BMP5: variants seen among roughly 807,000 people sequenced by gnomAD.
BMP5 encodes the protein bone morphogenetic protein 5.
Under a neutral mutation model 46.6 loss-of-function variants are expected in BMP5, and 23 were observed. That is an observed-to-expected ratio of 0.49 (90% CI 0.35 to 0.70). BMP5 has a LOEUF of 0.70. BMP5 is among the 30% of genes least tolerant of loss of function. The pLI, the probability that BMP5 is intolerant of heterozygous loss-of-function variation, is 0.00. For missense variants in BMP5, 545 were observed against 565.6 expected (o/e 0.96, Z 0.37); for synonymous variants, 204 against 191.9 (o/e 1.06, Z -0.52).
chr6:55,861,300 T>C (rs1582128384), intron 1 of BMP5, among the ~76,000 whole-genome samples: 1 of 152,238 alleles, frequency 6.6e-6, no homozygotes. Flanking sequence ...ATGGCAGCCC[T>C]GCTTATATGG....
intron 4 of BMP5, 106 bp downstream of exon 4, chr6:55,773,943 A>G: frequency 1.7e-6 from 2 of 1,212,094 alleles, no homozygotes; most frequent in South Asian, 1.2e-5. Context: ...GATTTAATGT[A>G]CCATCCGAAG....
chr6:55,844,277 T>C (rs1440856186), intron 1 of BMP5, among the ~76,000 whole-genome samples: 1 of 152,060 alleles, frequency 6.6e-6, no homozygotes, highest in Non-Finnish European at 1.5e-5. Context: ...GCTGCTGTCA[T>C]CATGCCTCAT....
At chr6:55,822,040 G>A (rs1371782886) in intron 1 of BMP5, among the ~76,000 whole-genome samples, 1 of 151,956 alleles carries the variant, frequency 6.6e-6, no homozygotes, top group East Asian at 1.9e-4. Context: ...AACATATTCT[G>A]CCTCATAACA....
intron 4 of BMP5, among the ~76,000 whole-genome samples, chr6:55,767,875 G>A (rs76511601): frequency 3.4e-4 from 52 of 151,892 alleles, no homozygotes; most frequent in African/African-American, 8.2e-4. Flanking sequence ...ATTAGCTCAC[G>A]TTATTTGACA....
chr6:55,775,423 A>G (rs2127521792), intron 3 of BMP5, among the ~76,000 whole-genome samples: 1 of 152,060 alleles, frequency 6.6e-6, no homozygotes, highest in South Asian at 2.1e-4. Flanking sequence ...TGTGAAAAAG[A>G]AAACCATTGA....
intron 4 of BMP5, among the ~76,000 whole-genome samples, chr6:55,766,790 T>C (rs1774926100): frequency 6.6e-6 from 1 of 151,994 alleles, no homozygotes; most frequent in Admixed American, 6.6e-5. Context: ...CACATAAAAA[T>C]ACATGCATAC....
intron 1 of BMP5, among the ~76,000 whole-genome samples, chr6:55,849,390 G>C (rs1777170484): frequency 6.6e-6 from 1 of 151,998 alleles, no homozygotes; most frequent in Non-Finnish European, 1.5e-5. Context: ...AGTGAATAGA[G>C]AGTAATATGA....
chr6:55,863,852 A>G (rs1777577742), intron 1 of BMP5, among the ~76,000 whole-genome samples: 1 of 152,190 alleles, frequency 6.6e-6, no homozygotes, highest in African/African-American at 2.4e-5. Flanking sequence ...AACATGCTAT[A>G]GAGGTGTGTA....
At chr6:55,789,743 A>G (rs1775531940) in intron 3 of BMP5, among the ~76,000 whole-genome samples, 1 of 152,092 alleles carries the variant, frequency 6.6e-6, no homozygotes, top group South Asian at 2.1e-4. Flanking sequence ...GTAAAATTGG[A>G]TATAACATCT....
chr6:55,810,169 T>A (rs1776095059), intron 2 of BMP5, among the ~76,000 whole-genome samples: 1 of 152,188 alleles, frequency 6.6e-6, no homozygotes, highest in Admixed American at 6.6e-5. Context: ...ATCAATGTTT[T>A]CAAATGGTAA....
intron 3 of BMP5, among the ~76,000 whole-genome samples, chr6:55,787,417 T>A (rs970341383): frequency 2.4e-4 from 36 of 151,724 alleles, no homozygotes; most frequent in Non-Finnish European, 4.3e-4. Flanking sequence ...ATGTGGACTT[T>A]AGATACTGGA....
intron 4 of BMP5, among the ~76,000 whole-genome samples, chr6:55,762,331 C>A (rs1774807554): frequency 1.3e-5 from 2 of 152,060 alleles, no homozygotes; most frequent in Non-Finnish European, 2.9e-5. Context: ...AAAGTGTAGG[C>A]AAGTTAGAGA....
At chr6:55,829,592 C>T (rs2127541766) in intron 1 of BMP5, among the ~76,000 whole-genome samples, 1 of 151,904 alleles carries the variant, frequency 6.6e-6, no homozygotes, top group African/African-American at 2.4e-5. Flanking sequence ...TTTTCAGTTT[C>T]ACACTACCTG....
chr6:55,825,383 T>C (rs1427870234), intron 1 of BMP5, among the ~76,000 whole-genome samples: 3 of 151,808 alleles, frequency 2.0e-5, no homozygotes, highest in Non-Finnish European at 4.4e-5. Flanking sequence ...AGTGGTAACA[T>C]CAAAGCATAC....
intron 3 of BMP5, among the ~76,000 whole-genome samples, chr6:55,790,334 C>G (rs997804086): frequency 3.3e-5 from 5 of 152,092 alleles, no homozygotes; most frequent in Non-Finnish European, 7.4e-5. Flanking sequence ...ATACCTACGA[C>G]CTGCATTGTG....
Position 55,794,343 on chromosome 6 carries a change from G to A in BMP5, c.768C>T (p.Ser256=), listed in dbSNP as rs773807125. 4 of 1,613,860 alleles carry A rather than the reference G, an allele frequency of 2.5e-6. No individual in the cohort carries two copies. The Admixed American group carries it at 6.7e-5, about 27-fold the overall frequency. ...TCTGGGGATTAATCACCCAATGATTGCTGGTCACAGTGATATCAAAGACAA... is the reference window on the plus strand; with the variant it reads ...TCTGGGGATTAATCACCCAATGATTACTGGTCACAGTGATATCAAAGACAA... ...GWLVFDITVT[S]NHWVINPQNN... Residue 256 remains serine, a synonymous_variant, in exon 3 of 7, where the codon AGC becomes AGT. Transcript: ENST00000370830.
At chr6:55,806,151 T>G (rs1373687094) in intron 2 of BMP5, among the ~76,000 whole-genome samples, 1 of 152,236 alleles carries the variant, frequency 6.6e-6, no homozygotes, top group African/African-American at 2.4e-5. Context: ...CCCATGCCTA[T>G]GTCCTGAATG....
At chr6:55,834,901 C>T (rs1186640846) in intron 1 of BMP5, among the ~76,000 whole-genome samples, 5 of 151,932 alleles carry the variant, frequency 3.3e-5, no homozygotes, top group African/African-American at 9.7e-5. Context: ...GCTAACATGG[C>T]GAATCCATGT....
intron 2 of BMP5, among the ~76,000 whole-genome samples, chr6:55,813,840 T>G (rs1039374873): frequency 6.6e-6 from 1 of 151,990 alleles, no homozygotes; most frequent in Admixed American, 6.6e-5. Context: ...TTCCAAAAAT[T>G]ATACCTTAAC....
Sources: allele counts gnomAD v4.1 joint callset (sites outside exome capture counted in the v4.1 genomes callset), GRCh38; gene constraint gnomAD v4.1.1; transcripts MANE v1.5; gene names NCBI Gene and HGNC (gene_info 2026-07-23, HGNC 2026-07-21).